Variants in FARS2 observed in about 807,000 individuals in gnomAD.
FARS2 encodes phenylalanine--tRNA ligase, mitochondrial.
A neutral mutation model predicts 46.4 loss-of-function variants in FARS2; 40 were observed. The observed-to-expected ratio is 0.86, with a 90% CI of 0.67 to 1.12. The LOEUF is 1.12. Among genes scored for constraint, FARS2 ranks in the 50% most tolerant of loss-of-function variants. FARS2 has a pLI of 0.00. For missense variants in FARS2, 513 were observed against 567.9 expected (o/e 0.90, Z 0.98); for synonymous variants, 234 against 214.9 (o/e 1.09, Z -0.78).
intron 2 of FARS2, among the ~76,000 whole-genome samples, chr6:5,376,664 A>G (rs1759401582): frequency 6.6e-6 from 1 of 152,194 alleles, no homozygotes; most frequent in African/African-American, 2.4e-5. Flanking sequence ...TTTTAATGCA[A>G]TCTTGAGGGA....
At chr6:5,604,813 G>A (rs542607187) in intron 5 of FARS2, among the ~76,000 whole-genome samples, 3 of 152,254 alleles carry the variant, frequency 2.0e-5, no homozygotes, top group South Asian at 2.1e-4. Flanking sequence ...CGTCTCAGCT[G>A]TCTGTATTTG....
chr6:5,700,999 A>G (rs1758399204), intron 6 of FARS2, among the ~76,000 whole-genome samples: 1 of 152,220 alleles, frequency 6.6e-6, no homozygotes, highest in African/African-American at 2.4e-5. Context: ...TTCTAACAAG[A>G]CTTTTATGAG....
chr6:5,461,831 C>T lies in FARS2; in HGVS notation c.904+30659C>T, dbSNP rs80020759. ...ATTTATCTATTTACCAGTCAGTGGG[C>T]GTTTAGATCCTTTACAGTTTTTGTC... is the stretch of plus-strand genomic sequence containing the variant. On this transcript the variant is annotated intron_variant, in intron 4 of 6. Coordinates refer to ENST00000274680, the MANE Select transcript of FARS2 (RefSeq NM_006567.5). Among the ~76,000 whole-genome samples the T allele has an allele frequency of 9.5e-3, 1,446 of 152,172 alleles. 21 individuals are homozygous for T. Among genetic ancestry groups the T allele is most frequent in the African/African-American group, 0.033 (1,356 of 41,514 alleles).
At chr6:5,484,136 C>T (rs1191621848) in intron 4 of FARS2, among the ~76,000 whole-genome samples, 4 of 152,078 alleles carry the variant, frequency 2.6e-5, no homozygotes, top group Admixed American at 6.5e-5. Flanking sequence ...AAGTGAAAAA[C>T]GTTCAGGCAA....
At chr6:5,286,212 A>T (rs1257813676) in intron 1 of FARS2, among the ~76,000 whole-genome samples, 2 of 152,134 alleles carry the variant, frequency 1.3e-5, no homozygotes, top group East Asian at 3.9e-4. Context: ...TTATAATCTG[A>T]CTGTCCATGT....
chr6:5,611,072 A>G (rs1276885636), intron 5 of FARS2, among the ~76,000 whole-genome samples: 4 of 152,138 alleles, frequency 2.6e-5, no homozygotes, highest in African/African-American at 9.7e-5. Context: ...CCAGAGGTGG[A>G]GACAGAGATG....
intron 4 of FARS2, among the ~76,000 whole-genome samples, chr6:5,477,463 T>C (rs1258558187): frequency 6.6e-6 from 1 of 152,202 alleles, no homozygotes; most frequent in Non-Finnish European, 1.5e-5. Context: ...TAAGGCCTAG[T>C]TGACTTGAGT....
At chr6:5,656,612 A>G (rs1411817395) in intron 6 of FARS2, among the ~76,000 whole-genome samples, 7 of 140,388 alleles carry the variant, frequency 5.0e-5, no homozygotes, top group Non-Finnish European at 1.1e-4. Context: ...GTGCTGTGGT[A>G]CAATCTCAGC....
chr6:5,623,715 A>AAT (rs1341879885), intron 6 of FARS2, among the ~76,000 whole-genome samples: 6 of 132,642 alleles, frequency 4.5e-5, no homozygotes, highest in Non-Finnish European at 9.5e-5. Context: ...GTGTCTCAAA[A>AAT]AAAATAAATA....
chr6:5,620,710 G>A (rs999757826), intron 6 of FARS2, among the ~76,000 whole-genome samples: 6 of 152,262 alleles, frequency 3.9e-5, no homozygotes, highest in South Asian at 4.1e-4. Flanking sequence ...CCAGCAATCA[G>A]CACCAACTTC....
rs1448220988 is a variant in FARS2, at chr6:5,444,486, AAAAAAAAGAG to A, written c.904+13316_904+13325del. ...TGTCTCAAAAAAAAAAAAAAAAAAA[AAAAAAAAGAG>A]AGAGAGAGAGAGAGAGAGGAAAAAA... is the stretch of plus-strand genomic sequence containing the variant. On this transcript the variant is annotated intron_variant, in intron 4 of 6. Transcript: ENST00000274680. 8.4e-3 allele frequency among the ~76,000 whole-genome samples: 731 copies of A among 86,950 alleles called. 2 individuals are homozygous for A. Among genetic ancestry groups the A allele is most frequent in the African/African-American group, 0.032 (564 of 17,698 alleles). 57.0% of individuals were successfully genotyped at this position (86,950 alleles called of 152,430 possible). A position where few individuals can be genotyped will look rare whatever the true frequency, so the allele number is the denominator to read the frequency against.
chr6:5,480,416 G>T (rs1018486737), intron 4 of FARS2, among the ~76,000 whole-genome samples: 1 of 152,314 alleles, frequency 6.6e-6, no homozygotes, highest in African/African-American at 2.4e-5. Context: ...CTCAAAAAAA[G>T]TAAGAACATG....
intron 6 of FARS2, among the ~76,000 whole-genome samples, chr6:5,655,472 G>C (rs1247833888): frequency 6.6e-6 from 1 of 152,094 alleles, no homozygotes; most frequent in African/African-American, 2.4e-5. Context: ...CCTGAAATCA[G>C]TTTCACTGGG....
At chr6:5,399,320 G>A (rs756370017) in intron 2 of FARS2, among the ~76,000 whole-genome samples, 4 of 151,836 alleles carry the variant, frequency 2.6e-5, no homozygotes, top group South Asian at 2.1e-4. Context: ...GATCACAGAC[G>A]TGTGCCACCA....
intron 6 of FARS2, among the ~76,000 whole-genome samples, chr6:5,709,702 ATGCAC>A (rs1759003092): frequency 9.2e-5 from 1 of 10,874 alleles, no homozygotes; most frequent in African/African-American, 2.3e-4. Flanking sequence ...GTGTGTGCGC[ATGCAC>A]GTGCATGTTG....
At chr6:5,492,843 T>TCGG (rs770124077) in intron 4 of FARS2, among the ~76,000 whole-genome samples, 28,238 of 151,936 alleles carry the variant, frequency 0.19, 2,963 homozygotes, top group African/African-American at 0.26. Context: ...GTGGCTAGAG[T>TCGG]GTATATAGCC....
chr6:5,559,295 C>G (rs1771857083), intron 5 of FARS2, among the ~76,000 whole-genome samples: 1 of 152,082 alleles, frequency 6.6e-6, no homozygotes, highest in Non-Finnish European at 1.5e-5. Flanking sequence ...GTACCAGCTG[C>G]TTGGTTGGCC....
chr6:5,712,408 C>T (rs181905465), intron 6 of FARS2, among the ~76,000 whole-genome samples: 5 of 152,308 alleles, frequency 3.3e-5, no homozygotes, highest in South Asian at 4.1e-4. Flanking sequence ...CAGTCTCTTG[C>T]GAGTGGCAAG....
chr6:5,707,042 G>A (rs1204531344), intron 6 of FARS2, among the ~76,000 whole-genome samples: 1 of 152,186 alleles, frequency 6.6e-6, no homozygotes, highest in African/African-American at 2.4e-5. Context: ...GAACCTGTAA[G>A]CACTTGCTTG....
Sources: gnomAD v4.1 joint callset for allele counts (sites outside exome capture counted in the v4.1 genomes callset) on GRCh38, gnomAD v4.1.1 for gene constraint, MANE v1.5 for transcripts, NCBI Gene and HGNC (gene_info 2026-07-23, HGNC 2026-07-21) for gene names.